The following EXOC4 variants were observed in gnomAD, a reference collection of about 807,000 sequenced individuals.
EXOC4 encodes the protein SEC8-like 1.
EXOC4 carries 71 observed loss-of-function variants against 107.2 expected under a neutral mutation model. That is an observed-to-expected ratio of 0.66 (90% CI 0.55 to 0.81). The LOEUF (loss-of-function observed/expected upper bound fraction) is 0.81, where lower values mean the gene tolerates loss of function less well. Ranked by LOEUF, EXOC4 falls within the 30% of genes least tolerant of loss-of-function variation. The pLI is 0.00. For synonymous variants in EXOC4, 456 were observed against 441.2 expected (o/e 1.03, Z -0.42); for missense variants, 1,108 against 1,189.6 (o/e 0.93, Z 1.01).
rs145481162 is a variant in EXOC4, at chr7:133,300,217, G to A, written c.472-5660G>A. Among the ~76,000 whole-genome samples the A allele has an allele frequency of 1.7e-3, 266 of 152,290 alleles. 1 individual carries two copies. Among genetic ancestry groups the A allele is most frequent in the Non-Finnish European group, 3.2e-3 (216 of 68,018 alleles). ...GATTAGCATATAGGCTGAGGAGTTA[G>A]GAGAAAAAAGTATTCTTGCTCCAGG... On this transcript the variant is annotated intron_variant, in intron 3 of 17. Transcript: ENST00000253861.
At chr7:133,974,172 G>A (rs182020562) in intron 14 of EXOC4, among the ~76,000 whole-genome samples, 23 of 152,152 alleles carry the variant, frequency 1.5e-4, no homozygotes, top group African/African-American at 4.8e-4. Context: ...AGATAGTGGG[G>A]TTGGATTCAA....
At chr7:133,894,307 G>T (rs1799251640) in intron 11 of EXOC4, among the ~76,000 whole-genome samples, 1 of 89,318 alleles carries the variant, frequency 1.1e-5, no homozygotes, top group Admixed American at 1.0e-4. Flanking sequence ...TCTCTGTATT[G>T]GTTATTCTAG....
intron 5 of EXOC4, among the ~76,000 whole-genome samples, chr7:133,354,073 A>G (rs905221213): frequency 2.0e-5 from 3 of 151,870 alleles, no homozygotes; most frequent in African/African-American, 4.8e-5. Context: ...AAAACAGTTA[A>G]AACTTTAAAA....
chr7:133,606,609 G>A (rs1158644149), intron 9 of EXOC4, among the ~76,000 whole-genome samples: 2 of 151,254 alleles, frequency 1.3e-5, no homozygotes, highest in Non-Finnish European at 2.9e-5. Context: ...CTGCCTCCCA[G>A]GTTCAAGCAA....
chr7:133,936,094 G>A (rs546362132), intron 13 of EXOC4, among the ~76,000 whole-genome samples: 4 of 152,210 alleles, frequency 2.6e-5, no homozygotes, highest in African/African-American at 9.6e-5. Flanking sequence ...AGCAGCCTGG[G>A]CATCACCTGG....
chr7:133,746,165 C>G (rs1021585539), intron 10 of EXOC4, among the ~76,000 whole-genome samples: 13 of 151,934 alleles, frequency 8.6e-5, no homozygotes, highest in African/African-American at 3.1e-4. Context: ...CAACTCACAG[C>G]CTTTATTTAT....
intron 10 of EXOC4, chr7:133,767,980 G>A (rs1796172589): frequency 6.6e-6 from 1 of 152,014 alleles, no homozygotes; most frequent in Non-Finnish European, 1.5e-5. Flanking sequence ...GAATGTGTAA[G>A]TACCTAGGGG....
At chr7:133,372,860 G>A (rs949612473) in intron 6 of EXOC4, among the ~76,000 whole-genome samples, 8 of 152,076 alleles carry the variant, frequency 5.3e-5, no homozygotes, top group Non-Finnish European at 1.2e-4. Flanking sequence ...AATTTTCTCC[G>A]GTAAGGACAT....
chr7:133,436,475 T>C (rs1797977330), intron 7 of EXOC4, among the ~76,000 whole-genome samples: 1 of 152,108 alleles, frequency 6.6e-6, no homozygotes, highest in Admixed American at 6.5e-5. Flanking sequence ...TGTCTCTCTT[T>C]TCCTGAGTGA....
At chr7:134,002,276 T>C (rs1794547105) in intron 15 of EXOC4, among the ~76,000 whole-genome samples, 1 of 152,186 alleles carries the variant, frequency 6.6e-6, no homozygotes, top group Non-Finnish European at 1.5e-5. Flanking sequence ...TGGATTCTCT[T>C]GGATGAACTG....
chr7:133,846,885 G>A (rs1347214021), intron 11 of EXOC4, among the ~76,000 whole-genome samples: 2 of 152,254 alleles, frequency 1.3e-5, no homozygotes, highest in African/African-American at 4.8e-5. Context: ...TAATCACAGA[G>A]TGGTCTCAAA....
intron 10 of EXOC4, among the ~76,000 whole-genome samples, chr7:133,645,169 G>A (rs1802959621): frequency 6.8e-6 from 1 of 146,474 alleles, no homozygotes; most frequent in Admixed American, 7.0e-5. Flanking sequence ...TCGGCTCACT[G>A]CAACCTCCGC....
chr7:133,582,337 T>C (rs151278166), intron 9 of EXOC4, among the ~76,000 whole-genome samples: 1 of 152,216 alleles, frequency 6.6e-6, no homozygotes, highest in African/African-American at 2.4e-5. Flanking sequence ...CTGTGTAGTA[T>C]TCAAAGGTGG....
chr7:133,801,396 C>G (rs941781969), intron 10 of EXOC4, among the ~76,000 whole-genome samples: 27 of 152,126 alleles, frequency 1.8e-4, no homozygotes, highest in Admixed American at 1.1e-3. Context: ...TAGGAAGATT[C>G]AGATTGACTA....
intron 7 of EXOC4, among the ~76,000 whole-genome samples, chr7:133,451,605 A>G (rs1157552904): frequency 1.3e-5 from 2 of 152,034 alleles, no homozygotes; most frequent in East Asian, 1.9e-4. Context: ...TTCTATTTGT[A>G]TATTTTCCTC....
chr7:133,597,254 T>C (rs1225706438), intron 9 of EXOC4, among the ~76,000 whole-genome samples: 2 of 152,170 alleles, frequency 1.3e-5, no homozygotes, highest in Non-Finnish European at 2.9e-5. Flanking sequence ...GACAGCCTTC[T>C]TGCATAGAAT....
chr7:133,347,079 G>A (rs1039767091), intron 5 of EXOC4, among the ~76,000 whole-genome samples: 2 of 151,986 alleles, frequency 1.3e-5, no homozygotes, highest in African/African-American at 4.8e-5. Flanking sequence ...ATTGCTTTCT[G>A]TACTCACTAG....
intron 10 of EXOC4, among the ~76,000 whole-genome samples, chr7:133,717,095 C>T (rs960659398): frequency 6.6e-6 from 1 of 151,812 alleles, no homozygotes; most frequent in South Asian, 2.1e-4. Flanking sequence ...AATTGGTATC[C>T]CGAATAGATT....
intron 10 of EXOC4, among the ~76,000 whole-genome samples, chr7:133,724,338 G>A (rs142341787): frequency 6.6e-6 from 1 of 152,326 alleles, no homozygotes; most frequent in African/African-American, 2.4e-5. Context: ...TGGAAGCAAG[G>A]TCAGTGCAGC....
Sources: allele counts gnomAD v4.1 joint callset (sites outside exome capture counted in the v4.1 genomes callset), GRCh38; gene constraint gnomAD v4.1.1; transcripts MANE v1.5; gene names NCBI Gene and HGNC (gene_info 2026-07-23, HGNC 2026-07-21).